GALNT1: variants seen among roughly 807,000 people sequenced by gnomAD.
GALNT1 encodes the protein GalNAc transferase 1.
A neutral mutation model predicts 65.7 loss-of-function variants in GALNT1; 17 were observed. The observed-to-expected ratio is 0.26, with a 90% CI of 0.18 to 0.39. The LOEUF is 0.39. GALNT1 is among the 10% of genes least tolerant of loss of function. The pLI, the probability that GALNT1 is intolerant of heterozygous loss-of-function variation, is 1.00. For synonymous variants in GALNT1, 210 were observed against 219.7 expected (o/e 0.96, Z 0.39); for missense variants, 460 against 672.8 (o/e 0.68, Z 3.50).
chr18:35,668,470 C>G (rs999083618), intron 3 of GALNT1, among the ~76,000 whole-genome samples: 46 of 152,232 alleles, frequency 3.0e-4, no homozygotes, highest in African/African-American at 1.1e-3. Context: ...AAACGCTCTC[C>G]TAAATAGCAG....
chr18:35,583,910 A>G (rs1321123340), intron 1 of GALNT1, among the ~76,000 whole-genome samples: 2 of 152,190 alleles, frequency 1.3e-5, no homozygotes, highest in African/African-American at 2.4e-5. Context: ...CTAATATAAT[A>G]ATAATTTTGA....
At chr18:35,663,498 A>G in intron 2 of GALNT1, 130 bp from the exon 3 acceptor site, 1 of 872,700 alleles carries the variant, frequency 1.1e-6, no homozygotes, top group Admixed American at 2.8e-5. Flanking sequence ...TTAACAGCCT[A>G]GGAGAGGGTG....
chr18:35,692,105 T>A, intron 8 of GALNT1, 76 bp from the exon 9 acceptor site: 1 of 1,304,076 alleles, frequency 7.7e-7, no homozygotes, highest in South Asian at 1.3e-5. Context: ...TTCATCTGGC[T>A]TATTAGATTC....
intron 8 of GALNT1, among the ~76,000 whole-genome samples, chr18:35,691,937 A>G (rs1172028023): frequency 6.6e-6 from 1 of 152,176 alleles, no homozygotes; most frequent in African/African-American, 2.4e-5. Context: ...AAGTTTACTG[A>G]TCCCATATCA....
At chr18:35,667,990 A>G (rs948092008) in intron 3 of GALNT1, among the ~76,000 whole-genome samples, 1 of 152,218 alleles carries the variant, frequency 6.6e-6, no homozygotes, top group Non-Finnish European at 1.5e-5. Flanking sequence ...TAAGGAAGAA[A>G]ATATGTTATC....
intron 9 of GALNT1, among the ~76,000 whole-genome samples, chr18:35,700,986 GTTTATAA>G (rs894388611): frequency 5.9e-5 from 9 of 151,964 alleles, no homozygotes; most frequent in African/African-American, 2.2e-4. Context: ...GGATTGGAGA[GTTTATAA>G]TTTATATCAA....
At chr18:35,635,861 T>A (rs1395628776) in intron 1 of GALNT1, among the ~76,000 whole-genome samples, 2 of 152,164 alleles carry the variant, frequency 1.3e-5, no homozygotes, top group African/African-American at 2.4e-5. Flanking sequence ...TACAAAAATA[T>A]TAACTTAAAG....
At position 35,586,091 on chromosome 18, in the gene GALNT1, C is replaced by T. The variant is rs926641314; in HGVS notation, c.-104+4229C>T. 4.6e-5 allele frequency among the ~76,000 whole-genome samples: 7 copies of T among 152,196 alleles called. No individual in the cohort carries two copies. In the East Asian group the frequency reaches 9.6e-4, roughly 21 times the overall value. The stretch of plus-strand genomic sequence containing the variant: ...GCATGGCTGGAACATCCCAAAGTGC[C>T]GGGATTACAGGCATGAGGCACCACG... On this transcript the variant is annotated intron_variant, in intron 1 of 11. Coordinates refer to ENST00000269195, the MANE Select transcript of GALNT1 (RefSeq NM_020474.4).
At chr18:35,693,404 A>G (rs1382374934) in intron 9 of GALNT1, among the ~76,000 whole-genome samples, 2 of 152,232 alleles carry the variant, frequency 1.3e-5, no homozygotes, top group African/African-American at 2.4e-5. Flanking sequence ...GTCAAATCAT[A>G]TAAAGCTTTT....
chr18:35,656,693 G>A (rs952926689), intron 2 of GALNT1, among the ~76,000 whole-genome samples: 1 of 152,192 alleles, frequency 6.6e-6, no homozygotes, highest in African/African-American at 2.4e-5. Flanking sequence ...TGTAGACAGC[G>A]GCATGGCGCT....
At chr18:35,688,373 G>T (rs779183207) in intron 6 of GALNT1, among the ~76,000 whole-genome samples, 101 of 151,752 alleles carry the variant, frequency 6.7e-4, no homozygotes, top group South Asian at 2.1e-4. Context: ...GGTATCTTTG[G>T]TCCCTGTAAC....
intron 3 of GALNT1, among the ~76,000 whole-genome samples, chr18:35,669,806 C>T (rs2047605326): frequency 6.6e-6 from 1 of 152,096 alleles, no homozygotes; most frequent in Non-Finnish European, 1.5e-5. Context: ...CACTTCTGTT[C>T]AGTGTCTTAC....
intron 3 of GALNT1, among the ~76,000 whole-genome samples, chr18:35,664,989 A>G (rs2047527685): frequency 6.6e-6 from 1 of 152,232 alleles, no homozygotes; most frequent in Non-Finnish European, 1.5e-5. Context: ...GTGCTGATTG[A>G]CTTGGGAAAG....
chr18:35,628,006 C>G lies in GALNT1; in HGVS notation c.-103-26554C>G, dbSNP rs111943291. Among the ~76,000 whole-genome samples the G allele has an allele frequency of 6.4e-3, 970 of 152,238 alleles. 19 individuals carry two copies. Among genetic ancestry groups the G allele is most frequent in the African/African-American group, 0.022 (920 of 41,536 alleles). ...AGTCTGAGATTGAACTGCAATGTGG[C>G]AGCGAGGCTGGGGGAGGGGCACCCG... is the stretch of plus-strand genomic sequence containing the variant. On this transcript the variant is annotated intron_variant, in intron 1 of 11. Coordinates refer to ENST00000269195, the MANE Select transcript of GALNT1 (RefSeq NM_020474.4).
intron 1 of GALNT1, among the ~76,000 whole-genome samples, chr18:35,640,197 A>G (rs960816003): frequency 1.3e-5 from 2 of 152,150 alleles, no homozygotes; most frequent in Admixed American, 1.3e-4. Flanking sequence ...ATTAAAACCT[A>G]CCCTTTAAGA....
At chr18:35,664,041 G>A (rs1303686252) in intron 3 of GALNT1, 25 of 420,432 alleles carry the variant, frequency 5.9e-5, no homozygotes, top group East Asian at 9.6e-5. Flanking sequence ...GATTAGAAGG[G>A]GATTTTAAAC....
chr18:35,629,868 C>A (rs549687289), intron 1 of GALNT1, among the ~76,000 whole-genome samples: 3 of 152,008 alleles, frequency 2.0e-5, no homozygotes, highest in African/African-American at 7.3e-5. Flanking sequence ...GAAGATCCAC[C>A]AAGCAAATGG....
In GALNT1 at chr18:35,657,940, G is replaced by A. The variant is rs114769603; in HGVS notation, c.139+3139G>A. Among the ~76,000 whole-genome samples the A allele has an allele frequency of 1.0e-2, 1,521 of 152,242 alleles. 26 individuals are homozygous for A. Among genetic ancestry groups the A allele is most frequent in the African/African-American group, 0.033 (1,358 of 41,526 alleles). On this transcript the variant is annotated intron_variant, in intron 2 of 11. Coordinates refer to ENST00000269195, the MANE Select transcript of GALNT1 (RefSeq NM_020474.4). Reference sequence around the variant, plus strand: ...TCAGGAAGAGGTTTAAACTATAGGGGAAAGGAGGAATACTTGAAAGAACAA... The same window carrying A: ...TCAGGAAGAGGTTTAAACTATAGGGAAAAGGAGGAATACTTGAAAGAACAA...
chr18:35,622,458 C>T (rs1441245621), intron 1 of GALNT1, among the ~76,000 whole-genome samples: 1 of 151,896 alleles, frequency 6.6e-6, no homozygotes, highest in Non-Finnish European at 1.5e-5. Flanking sequence ...CCCTATGTTG[C>T]TCAGGCTGGT....
Sources: allele counts gnomAD v4.1 joint callset (sites outside exome capture counted in the v4.1 genomes callset), GRCh38; gene constraint gnomAD v4.1.1; transcripts MANE v1.5; gene names NCBI Gene and HGNC (gene_info 2026-07-23, HGNC 2026-07-21).